ALG14: variants seen among roughly 807,000 people sequenced by gnomAD.
ALG14 encodes the protein UDP-N-acetylglucosamine transferase subunit ALG14.
ALG14 carries 17 observed loss-of-function variants against 22.8 expected under a neutral mutation model. The ratio of observed to expected loss-of-function variants is 0.75; its 90% confidence interval spans 0.51 to 1.12. ALG14 has a LOEUF of 1.12. Among genes scored for constraint, ALG14 ranks in the 50% most tolerant of loss-of-function variants. The probability of loss-of-function intolerance (pLI) is 0.00; values close to 1 mark genes in which losing one functional copy is unlikely to be tolerated. For synonymous variants in ALG14, 89 were observed against 103.7 expected (o/e 0.86, Z 0.86); for missense variants, 288 against 271.8 (o/e 1.06, Z -0.42).
intron 3 of ALG14, among the ~76,000 whole-genome samples, chr1:95,002,367 G>A (rs973486723): frequency 2.6e-5 from 4 of 152,090 alleles, no homozygotes; most frequent in Non-Finnish European, 5.9e-5. Context: ...AAGAGGGGTG[G>A]GGCAAGGGAC....
chr1:95,064,773 G>A (rs554576124), intron 2 of ALG14, 93 bp downstream of exon 2: 2 of 1,136,898 alleles, frequency 1.8e-6, no homozygotes, highest in South Asian at 2.0e-5. Flanking sequence ...CCCATTGTGG[G>A]TAGGGCACTG....
chr1:95,004,420 C>T (rs1054322771), intron 3 of ALG14, among the ~76,000 whole-genome samples: 2 of 151,746 alleles, frequency 1.3e-5, no homozygotes, highest in African/African-American at 4.8e-5. Context: ...CAAAGTTTTG[C>T]CATTTTGGCC....
intron 2 of ALG14, among the ~76,000 whole-genome samples, chr1:95,031,754 CTTAT>C (rs1249043649): frequency 6.6e-6 from 1 of 151,656 alleles, no homozygotes; most frequent in African/African-American, 2.4e-5. Context: ...ATATTATATA[CTTAT>C]TTATTTATGT....
chr1:95,027,337 T>G, intron 2 of ALG14, 77 bp from the exon 3 acceptor site: 7 of 1,500,912 alleles, frequency 4.7e-6, no homozygotes, highest in Non-Finnish European at 6.4e-6. Context: ...TTAACAGCTG[T>G]AGAAACAGAA....
At chr1:95,038,897 C>T (rs1674292930) in intron 2 of ALG14, among the ~76,000 whole-genome samples, 1 of 148,946 alleles carries the variant, frequency 6.7e-6, no homozygotes, top group African/African-American at 2.6e-5. Flanking sequence ...TTTAAAAAAA[C>T]TTTTTCTAAA....
chr1:95,007,885 C>T (rs11589700), intron 3 of ALG14, among the ~76,000 whole-genome samples: 11,019 of 152,310 alleles, frequency 0.072, 479 homozygotes, highest in Non-Finnish European at 0.099. Flanking sequence ...CATGCCTTTA[C>T]AGCTGAACAG....
chr1:95,020,464 C>T (rs777870946), intron 3 of ALG14, among the ~76,000 whole-genome samples: 23 of 151,024 alleles, frequency 1.5e-4, no homozygotes, highest in Non-Finnish European at 3.0e-4. Flanking sequence ...GGTGGCCAGG[C>T]GCAGTGGCTC....
intron 2 of ALG14, chr1:95,061,939 A>G (rs1675168966): frequency 6.6e-6 from 1 of 152,118 alleles, no homozygotes; most frequent in Non-Finnish European, 1.5e-5. Context: ...CATAAGGAAC[A>G]GCTCTAGTTT....
chr1:95,056,921 G>C (rs138155178), intron 2 of ALG14, among the ~76,000 whole-genome samples: 1,535 of 151,758 alleles, frequency 0.01, 22 homozygotes, highest in African/African-American at 0.034. Flanking sequence ...GCTGGGCATG[G>C]TGGTGCACAC....
chr1:95,049,219 A>G (rs1368736906), intron 2 of ALG14, among the ~76,000 whole-genome samples: 3 of 152,170 alleles, frequency 2.0e-5, no homozygotes, highest in Admixed American at 6.5e-5. Flanking sequence ...TAATTACAAA[A>G]AGATAAATAA....
chr1:95,030,714 CT>C (rs1345341808), intron 2 of ALG14, among the ~76,000 whole-genome samples: 5 of 152,176 alleles, frequency 3.3e-5, no homozygotes, highest in Admixed American at 3.3e-4. Flanking sequence ...ACATCCAAGC[CT>C]GGTAAAGCCT....
rs184147651 is a variant in ALG14 at position 95,059,071 on chromosome 1, T to A, written c.288+5795A>T. On this transcript the variant is annotated intron_variant, in intron 2 of 3. Transcript: ENST00000370205. ...GCACTTTGTTTTAATTTCCAAGGAA[T>A]CTTTCTTGTTTTAACATTGCTTCCC... 1.4e-3 allele frequency among the ~76,000 whole-genome samples: 211 copies of A among 152,090 alleles called. 3 individuals carry two copies. Among genetic ancestry groups the A allele is most frequent in the African/African-American group, 4.6e-3 (193 of 41,544 alleles).
At chr1:95,003,776 C>T (rs1673132709) in intron 3 of ALG14, among the ~76,000 whole-genome samples, 1 of 151,966 alleles carries the variant, frequency 6.6e-6, no homozygotes, top group Admixed American at 6.5e-5. Flanking sequence ...CCTTTTAATG[C>T]ACCAAAAAAG....
chr1:95,052,145 T>G (rs1482273582), intron 2 of ALG14, among the ~76,000 whole-genome samples: 2 of 152,142 alleles, frequency 1.3e-5, no homozygotes, highest in African/African-American at 4.8e-5. Context: ...AGACATATTT[T>G]CAGGTAAACA....
At chr1:95,025,380 C>T (rs1488188707) in intron 3 of ALG14, among the ~76,000 whole-genome samples, 1 of 152,172 alleles carries the variant, frequency 6.6e-6, no homozygotes, top group African/African-American at 2.4e-5. Context: ...TTACAGAGCA[C>T]AGGCAGAATA....
At chr1:94,999,755 C>A (rs1047473601) in intron 3 of ALG14, among the ~76,000 whole-genome samples, 1 of 152,224 alleles carries the variant, frequency 6.6e-6, no homozygotes, top group African/African-American at 2.4e-5. Flanking sequence ...CTGCCATTTA[C>A]AATCTTATTA....
At chr1:95,047,016 C>CATAACATAAG (rs1553162986) in intron 2 of ALG14, among the ~76,000 whole-genome samples, 37 of 146,136 alleles carry the variant, frequency 2.5e-4, no homozygotes, top group African/African-American at 8.8e-4. Flanking sequence ...CATAACATAA[C>CATAACATAAG]ATAACATAAC....
In ALG14 at chr1:94,982,622, A is replaced by G. The variant is rs1240593803; in HGVS notation, c.*454T>C. Reference sequence around the variant, plus strand: ...GGGGACATCACTGTTTCCATACAGGAAATAAAGCCTTTTGTATCTGAACCA... The same window carrying G: ...GGGGACATCACTGTTTCCATACAGGGAATAAAGCCTTTTGTATCTGAACCA... On this transcript the variant is annotated 3_prime_UTR_variant, in exon 4 of 4. Transcript: ENST00000370205. 1.3e-5 allele frequency: 2 copies of G among 155,010 alleles called. No homozygotes were observed. Among genetic ancestry groups the G allele is most frequent in the Admixed American group, 1.3e-4 (2 of 15,402 alleles). 9.6% of individuals were successfully genotyped at this position (155,010 alleles called of 1,614,324 possible). A position where few individuals can be genotyped will look rare whatever the true frequency, so the allele number is the denominator to read the frequency against.
chr1:95,010,443 G>A (rs1209721746), intron 3 of ALG14, among the ~76,000 whole-genome samples: 1 of 152,078 alleles, frequency 6.6e-6, no homozygotes, highest in Non-Finnish European at 1.5e-5. Flanking sequence ...TCCATTCTCT[G>A]CTCCCAAGTA....
Sources: allele counts gnomAD v4.1 joint callset (sites outside exome capture counted in the v4.1 genomes callset), GRCh38; gene constraint gnomAD v4.1.1; transcripts MANE v1.5; gene names NCBI Gene and HGNC (gene_info 2026-07-23, HGNC 2026-07-21).